NCOA2: variants seen among roughly 807,000 people sequenced by gnomAD.
The protein encoded by NCOA2 is nuclear receptor coactivator 2, also known as class E basic helix-loop-helix protein 75.
In NCOA2, 21 loss-of-function variants were observed where a neutral mutation model predicts 145.1. That is an observed-to-expected ratio of 0.14 (90% CI 0.10 to 0.21). The LOEUF (loss-of-function observed/expected upper bound fraction) is 0.21. Among genes scored for constraint, NCOA2 ranks in the 10% least tolerant of loss-of-function variants. The probability of loss-of-function intolerance (pLI) is 1.00; values close to 1 mark genes in which losing one functional copy is unlikely to be tolerated. For missense variants in NCOA2, 1,472 were observed against 1,837.6 expected (o/e 0.80, Z 3.64); for synonymous variants, 619 against 637.5 (o/e 0.97, Z 0.44).
chr8:70,358,358 A>C (rs545671486), intron 1 of NCOA2, among the ~76,000 whole-genome samples: 1 of 152,364 alleles, frequency 6.6e-6, no homozygotes, highest in African/African-American at 2.4e-5. Context: ...TCTTGCTTTC[A>C]AAATCTACTA....
rs1383044607 is a variant in NCOA2, at chr8:70,194,472, G to C, written c.259+19431C>G. On this transcript the variant is annotated intron_variant, in intron 4 of 22. Coordinates refer to ENST00000452400, the MANE Select transcript of NCOA2 (RefSeq NM_006540.4). Reference sequence around the variant, plus strand: ...ACAAGGCCAGTGTTGTTTATCTAGAGGTTACATCGCACAAGTGAAGATGGA... The same window carrying C: ...ACAAGGCCAGTGTTGTTTATCTAGACGTTACATCGCACAAGTGAAGATGGA... Among the ~76,000 whole-genome samples, 5 of 152,162 alleles carry C rather than the reference G, an allele frequency of 3.3e-5. No individual in the cohort carries two copies. The South Asian group carries it at 1.0e-3, about 32-fold the overall frequency.
At chr8:70,452,927 A>G in the NCOA2 span, among the ~76,000 whole-genome samples, 1 of 152,226 alleles carries the variant, frequency 6.6e-6, no homozygotes, top group African/African-American at 2.4e-5. Flanking sequence ...TCTTCTTTCA[A>G]GACCTAGTTC....
chr8:70,259,201 T>G (rs1823901734), intron 2 of NCOA2, among the ~76,000 whole-genome samples: 1 of 152,228 alleles, frequency 6.6e-6, no homozygotes, highest in African/African-American at 2.4e-5. Context: ...TTCATACAAG[T>G]GAGACCTTCC....
chr8:70,372,123 A>T (rs1811281972), intron 1 of NCOA2, among the ~76,000 whole-genome samples: 1 of 152,184 alleles, frequency 6.6e-6, no homozygotes, highest in Non-Finnish European at 1.5e-5. Context: ...AAAGAAACCC[A>T]GAATAAAACA....
At chr8:70,187,371 A>G (rs1816193196) in intron 4 of NCOA2, among the ~76,000 whole-genome samples, 1 of 152,204 alleles carries the variant, frequency 6.6e-6, no homozygotes, top group Non-Finnish European at 1.5e-5. Context: ...TGAGGGGAAA[A>G]AATGGTAATA....
chr8:70,384,159 C>A (rs181250072), intron 1 of NCOA2, among the ~76,000 whole-genome samples: 1 of 152,104 alleles, frequency 6.6e-6, no homozygotes, highest in Admixed American at 6.5e-5. Flanking sequence ...TTAAACTGTA[C>A]GGCAAAGGCT....
intron 7 of NCOA2, among the ~76,000 whole-genome samples, chr8:70,166,205 A>G: frequency 6.6e-6 from 1 of 152,212 alleles, no homozygotes. Flanking sequence ...TGTGCTCACT[A>G]ATACAGTTAT....
chr8:70,124,640 T>A (rs770252417), intron 20 of NCOA2, 48 bp downstream of exon 20: 1 of 1,534,304 alleles, frequency 6.5e-7, no homozygotes, highest in Non-Finnish European at 8.8e-7. Flanking sequence ...GGGGATGTCC[T>A]TCAGCTGTCA....
chr8:70,118,602 T>G (rs1346962307), intron 22 of NCOA2, among the ~76,000 whole-genome samples: 6 of 152,152 alleles, frequency 3.9e-5, no homozygotes, highest in Non-Finnish European at 8.8e-5. Context: ...TCAACTTGAA[T>G]GCTAGTATTA....
intron 1 of NCOA2, among the ~76,000 whole-genome samples, chr8:70,305,608 C>T (rs1403053756): frequency 6.6e-6 from 1 of 151,994 alleles, no homozygotes; most frequent in Non-Finnish European, 1.5e-5. Context: ...TAGGCAGCAC[C>T]GACCCACCAA....
Position 70,156,273 on chromosome 8 carries a change from T to G in NCOA2, c.2092A>C (p.Ser698Arg). The G allele has an allele frequency of 6.2e-6, 10 of 1,614,010 alleles. No individual in the cohort carries two copies. Among genetic ancestry groups the G allele is most frequent in the Non-Finnish European group, 8.5e-6 (10 of 1,179,892 alleles). ...AACTTGGCCAAGTCCACAGGGGAAC[T>G]GCTGTCCTGCAAGAGTCTGTGCAAA... Reference protein sequence around the residue: ...KILHRLLQDSSSPVDLAKLTA... With the variant: ...KILHRLLQDSRSPVDLAKLTA... The change falls in exon 11 of 23, where the codon AGT becomes CGT. Residue 698 changes from serine (S) to arginine (R), a missense_variant. Physicochemically the swap from Ser to Arg is moderately radical, Grantham distance 110. This residue lies in a region of NCOA2 where 953 missense variants were observed against 1,062.1 expected (regional missense o/e 0.90). Coordinates refer to ENST00000452400, the MANE Select transcript of NCOA2 (RefSeq NM_006540.4).
At chr8:70,404,904 A>T (rs968864644), upstream of NCOA2, among the ~76,000 whole-genome samples, 1 of 152,172 alleles carries the variant, frequency 6.6e-6, no homozygotes, top group Non-Finnish European at 1.5e-5. Flanking sequence ...GTTTAATGGC[A>T]GTTATCAAAC....
At chr8:70,334,123 C>CA (rs1413231271) in intron 1 of NCOA2, among the ~76,000 whole-genome samples, 3 of 152,308 alleles carry the variant, frequency 2.0e-5, no homozygotes, top group Non-Finnish European at 4.4e-5. Context: ...ATAGTGAACT[C>CA]AATCAAATTT....
chr8:70,225,364 A>G (rs999687802), intron 2 of NCOA2, among the ~76,000 whole-genome samples: 16 of 152,018 alleles, frequency 1.1e-4, no homozygotes, highest in African/African-American at 3.9e-4. Context: ...CATGACCAAC[A>G]TGGTGAAACC....
the NCOA2 span, among the ~76,000 whole-genome samples, chr8:70,441,455 A>G: frequency 6.6e-6 from 1 of 150,886 alleles, no homozygotes; most frequent in Non-Finnish European, 1.5e-5. Flanking sequence ...GAAAAAAGAA[A>G]GAAAAGAAAG....
the NCOA2 span, among the ~76,000 whole-genome samples, chr8:70,438,287 G>A: frequency 6.6e-6 from 1 of 151,752 alleles, no homozygotes; most frequent in Admixed American, 6.6e-5. Flanking sequence ...CTAATTCTAG[G>A]GTTTCTATTA....
At chr8:70,403,939 G>A (rs1814631387), upstream of NCOA2, 5 of 375,880 alleles carry the variant, frequency 1.3e-5, no homozygotes, top group Non-Finnish European at 2.4e-5. Flanking sequence ...GAGGGGGCTC[G>A]GGAGCCAGGC....
Position 70,163,597 on chromosome 8 carries a change from T to C in NCOA2, c.731-31A>G, listed in dbSNP as rs202080931. ...ACCACACATGTTTACATTTATCATA[T>C]TGGGCTTTTCTAGTGATTCAAACAA... On this transcript the variant is annotated intron_variant, in intron 7 of 22. Coordinates refer to ENST00000452400, the MANE Select transcript of NCOA2 (RefSeq NM_006540.4). The C allele has an allele frequency of 2.0e-5, 31 of 1,566,762 alleles. No homozygotes were observed. In the East Asian group the frequency reaches 2.2e-4, roughly 11 times the overall value.
chr8:70,187,500 C>T (rs1318273197), intron 4 of NCOA2, among the ~76,000 whole-genome samples: 1 of 152,120 alleles, frequency 6.6e-6, no homozygotes, highest in African/African-American at 2.4e-5. Flanking sequence ...TATTTAAAGT[C>T]TAACAATTTT....
Sources: allele counts gnomAD v4.1 joint callset (sites outside exome capture counted in the v4.1 genomes callset), GRCh38; gene constraint gnomAD v4.1.1; regional missense constraint gnomAD v4.1.1; transcripts MANE v1.5; gene names NCBI Gene and HGNC (gene_info 2026-07-23, HGNC 2026-07-21).